Variants in STRIP2 observed in about 807,000 individuals in gnomAD.
The protein encoded by STRIP2 is striatin interacting protein 2.
STRIP2 carries 84 observed loss-of-function variants against 107.1 expected under a neutral mutation model. That is an observed-to-expected ratio of 0.78 (90% CI 0.66 to 0.94). The LOEUF is 0.94. Among genes scored for constraint, STRIP2 ranks in the 40% least tolerant of loss-of-function variants. The pLI, the probability that STRIP2 is intolerant of heterozygous loss-of-function variation, is 0.00. For synonymous variants in STRIP2, 394 were observed against 400.4 expected (o/e 0.98, Z 0.19); for missense variants, 888 against 1,034.2 (o/e 0.86, Z 1.94).
rs2151022369 is a variant in STRIP2, at chr7:129,485,607, A to G, written c.2283A>G (p.Gln761=). The change falls in exon 21 of 21, where the codon CAA becomes CAG. Residue 761 remains glutamine (Q), a synonymous_variant. Coordinates refer to ENST00000249344, the MANE Select transcript of STRIP2 (RefSeq NM_020704.3). ...NDIDARPWDF[Q]AEECTLRANI... is the part of the protein sequence containing the mutation. ...TCGATGCCAGACCATGGGACTTCCA[A>G]GCAGAAGAATGTACCTTGAGGGCCA... 2 of 1,613,906 alleles carry G rather than the reference A, an allele frequency of 1.2e-6. No homozygotes were observed. Among genetic ancestry groups the G allele is most frequent in the East Asian group, 2.2e-5 (1 of 44,842 alleles).
At position 129,487,077 on chromosome 7, in the gene STRIP2, G is replaced by C. The variant is rs1799259942; in HGVS notation, c.*1248G>C. 1 of 131,890 alleles carries C rather than the reference G, an allele frequency of 7.6e-6. No homozygotes were observed. Among genetic ancestry groups the C allele is most frequent in the African/African-American group, 2.9e-5 (1 of 34,922 alleles). 8.2% of individuals were successfully genotyped at this position (131,890 alleles called of 1,614,324 possible). A position where few individuals can be genotyped will look rare whatever the true frequency, so the allele number is the denominator to read the frequency against. On this transcript the variant is annotated 3_prime_UTR_variant, in exon 21 of 21. Transcript: ENST00000249344. Reference sequence around the variant, plus strand: ...TGCCCAAGCTGGAGTGCAATGGCACGATCTCGGCTCACTGCAACCTCCGCC... The same window carrying C: ...TGCCCAAGCTGGAGTGCAATGGCACCATCTCGGCTCACTGCAACCTCCGCC...
chr7:129,483,121 C>T lies in STRIP2; in HGVS notation c.2254+75C>T, dbSNP rs1799171072. On this transcript the variant is annotated intron_variant, in intron 20 of 20. Coordinates refer to ENST00000249344, the MANE Select transcript of STRIP2 (RefSeq NM_020704.3). The surrounding 1 kb of genome is among the most constrained non-coding windows in gnomAD (Gnocchi z 5.1). ...CAAAACTAAATAAATATTTATCACT[C>T]CTCTTTTGGCATGAATTGTTACATA... 1.3e-6 allele frequency: 2 copies of T among 1,531,190 alleles called. No homozygotes were observed. Among genetic ancestry groups the T allele is most frequent in the African/African-American group, 1.4e-5 (1 of 72,130 alleles). The allele number at this position is 1,531,190 out of a possible 1,614,324, so 94.9% of individuals were successfully genotyped here. A position where few individuals can be genotyped will look rare whatever the true frequency, so the allele number is the denominator to read the frequency against.
intron 18 of STRIP2, among the ~76,000 whole-genome samples, chr7:129,475,914 A>G (rs1798914305): frequency 6.6e-6 from 1 of 152,248 alleles, no homozygotes; most frequent in Admixed American, 6.5e-5. Context: ...CCCAAGGCAG[A>G]AGAATTTCTC....
chr7:129,455,529 C>A (rs2150999219), intron 8 of STRIP2, among the ~76,000 whole-genome samples, 158 bp downstream of exon 8: 1 of 152,314 alleles, frequency 6.6e-6, no homozygotes, highest in South Asian at 2.1e-4. Flanking sequence ...GTCCTAGAGA[C>A]ATCAGATGTT....
chr7:129,470,132 A>T (rs1442406875), intron 17 of STRIP2, among the ~76,000 whole-genome samples: 1 of 152,104 alleles, frequency 6.6e-6, no homozygotes, highest in Admixed American at 6.5e-5. Context: ...TAGCCTTTCT[A>T]TAGGAAACTG....
chr7:129,482,378 T>TATA (rs1491297592), intron 19 of STRIP2, among the ~76,000 whole-genome samples: 4 of 75,122 alleles, frequency 5.3e-5, no homozygotes, highest in South Asian at 4.5e-4. Context: ...TATATATATA[T>TATA]TTTTTTTTTT....
chr7:129,438,507 C>T (rs1405345291), intron 1 of STRIP2, among the ~76,000 whole-genome samples: 1 of 152,152 alleles, frequency 6.6e-6, no homozygotes, highest in African/African-American at 2.4e-5. Flanking sequence ...TTAAAATAAC[C>T]CTATGAAGTA....
intron 2 of STRIP2, among the ~76,000 whole-genome samples, chr7:129,441,777 G>C (rs1797904962): frequency 6.6e-6 from 1 of 151,876 alleles, no homozygotes; most frequent in Non-Finnish European, 1.5e-5. Context: ...ACCATGTCCA[G>C]CTAATTTTGT....
chr7:129,485,610 A>G lies in STRIP2; in HGVS notation c.2286A>G (p.Ala762=). 8 of 1,614,002 alleles carry G rather than the reference A, an allele frequency of 5.0e-6. No individual in the cohort carries two copies. The highest frequency in any genetic ancestry group is 6.8e-6 in the Non-Finnish European group (8 of 1,180,006). The change falls in exon 21 of 21, where the codon GCA becomes GCG. Residue 762 remains alanine, a synonymous_variant. Coordinates refer to ENST00000249344, the MANE Select transcript of STRIP2 (RefSeq NM_020704.3). ...DIDARPWDFQ[A]EECTLRANIE... is the part of the protein sequence containing the mutation. Reference sequence around the variant, plus strand: ...ATGCCAGACCATGGGACTTCCAAGCAGAAGAATGTACCTTGAGGGCCAACA... The same window carrying G: ...ATGCCAGACCATGGGACTTCCAAGCGGAAGAATGTACCTTGAGGGCCAACA...
intron 6 of STRIP2, 46 bp from the exon 7 acceptor site, chr7:129,454,375 C>A: frequency 6.5e-7 from 1 of 1,531,328 alleles, no homozygotes; most frequent in Non-Finnish European, 9.0e-7. Context: ...TGACTATGGG[C>A]TGGGAATTGC....
chr7:129,457,300 A>C (rs1798391844), intron 9 of STRIP2, among the ~76,000 whole-genome samples: 1 of 152,250 alleles, frequency 6.6e-6, no homozygotes, highest in South Asian at 2.1e-4. Flanking sequence ...CCTGTACAGC[A>C]GGTTACTATA....
chr7:129,466,244 GA>G (rs1562910458), intron 16 of STRIP2, among the ~76,000 whole-genome samples: 1 of 152,128 alleles, frequency 6.6e-6, no homozygotes, highest in Non-Finnish European at 1.5e-5. Context: ...ATCTCAAACT[GA>G]AAAAAGTTTT....
At chr7:129,463,296 G>A (rs986951288) in intron 14 of STRIP2, among the ~76,000 whole-genome samples, 1 of 152,160 alleles carries the variant, frequency 6.6e-6, no homozygotes, top group African/African-American at 2.4e-5. Flanking sequence ...ACCCTCCTCC[G>A]AGATAAGTAC....
intron 19 of STRIP2, among the ~76,000 whole-genome samples, chr7:129,482,029 G>A (rs905630336): frequency 6.7e-6 from 1 of 149,628 alleles, no homozygotes; most frequent in African/African-American, 2.4e-5. Context: ...GTGTGGTGGC[G>A]GGCGCCTCTA....
At chr7:129,456,750 C>A in intron 9 of STRIP2, 108 bp downstream of exon 9, 1 of 1,121,710 alleles carries the variant, frequency 8.9e-7, no homozygotes, top group Non-Finnish European at 1.3e-6. Context: ...CCGGCTCATC[C>A]TGCCCAGGTT....
At chr7:129,440,375 C>T (rs568414409) in intron 2 of STRIP2, among the ~76,000 whole-genome samples, 1 of 152,184 alleles carries the variant, frequency 6.6e-6, no homozygotes, top group South Asian at 2.1e-4. Flanking sequence ...ATTTGGTGCA[C>T]TCTCAAATCA....
At chr7:129,448,776 T>C (rs1798104713) in intron 3 of STRIP2, among the ~76,000 whole-genome samples, 1 of 152,204 alleles carries the variant, frequency 6.6e-6, no homozygotes. Context: ...GGGATCCAAT[T>C]ATTCCCATTG....
chr7:129,455,419 T>C (rs1798319819), intron 8 of STRIP2, 48 bp downstream of exon 8: 1 of 1,581,076 alleles, frequency 6.3e-7, no homozygotes, highest in Admixed American at 1.8e-5. Context: ...CAATGCCCTA[T>C]GCCACCTCAG....
rs1392817747 is a variant in STRIP2 at position 129,454,537 on chromosome 7, G to C, written c.706+10G>C. On this transcript the variant is annotated intron_variant, in intron 7 of 20. Transcript: ENST00000249344. The stretch of plus-strand genomic sequence containing the variant: ...TTCCGCACTGAATTAAGTAAGAAAT[G>C]GCACTTGAGGAAGGTGTGGATGGGG... 1 of 1,574,548 alleles carries C rather than the reference G, an allele frequency of 6.4e-7. No individual in the cohort carries two copies.
Sources: allele counts gnomAD v4.1 joint callset (sites outside exome capture counted in the v4.1 genomes callset), GRCh38; gene constraint gnomAD v4.1.1; non-coding constraint Gnocchi (gnomAD v3.1); transcripts MANE v1.5; gene names NCBI Gene and HGNC (gene_info 2026-07-23, HGNC 2026-07-21).